GLI3: variants seen among roughly 807,000 people sequenced by gnomAD.
The protein encoded by GLI3 is transcription activator GLI3.
In GLI3, 20 loss-of-function variants were observed where a neutral mutation model predicts 100.8. The ratio of observed to expected loss-of-function variants is 0.20; its 90% CI spans 0.14 to 0.29. The LOEUF is 0.29. GLI3 is among the 10% of genes least tolerant of loss of function. The probability of loss-of-function intolerance (pLI) is 1.00; values close to 1 mark genes in which losing one functional copy is unlikely to be tolerated. For synonymous variants in GLI3, 938 were observed against 860.5 expected, an observed-to-expected ratio of 1.09 and a Z score of -1.58; for missense variants, 2,040 against 2,128.5, an observed-to-expected ratio of 0.96 and a Z score of 0.82.
At chr7:42,035,470 G>T (rs112431925) in intron 7 of GLI3, among the ~76,000 whole-genome samples, 1 of 152,168 alleles carries the variant, frequency 6.6e-6, no homozygotes, top group African/African-American at 2.4e-5. Context: ...GTTTTGTGAC[G>T]CTGGAGATCT....
chr7:42,235,219 T>C lies in GLI3; in HGVS notation c.-43+1752A>G, dbSNP rs539930054. On this transcript the variant is annotated intron_variant, in intron 1 of 14. Coordinates refer to ENST00000395925, the MANE Select transcript of GLI3 (RefSeq NM_000168.6). ...TTTTTAATCTAAAACCTAAATGAAA[T>C]AATTACAGGAATCAATCAATAAGGC... 1.6e-4 allele frequency among the ~76,000 whole-genome samples: 25 copies of C among 152,310 alleles called. 3 individuals carry two copies. The South Asian group carries it at 5.2e-3, about 32-fold the overall frequency.
At position 41,966,019 on chromosome 7, in the gene GLI3, C is replaced by T. The variant is rs1022587271; in HGVS notation, c.3054G>A (p.Leu1018=). The T allele has an allele frequency of 1.8e-5, 29 of 1,596,784 alleles. No homozygotes were observed. Among genetic ancestry groups the T allele is most frequent in the Admixed American group, 1.5e-4 (9 of 59,606 alleles). ...GGCTGCTGAAGCGCGGCACACGAGGCAGGGCCAGGCCCTCGGAGCCTGTCC... is the reference window on the plus strand; with the variant it reads ...GGCTGCTGAAGCGCGGCACACGAGGTAGGGCCAGGCCCTCGGAGCCTGTCC... The part of the protein sequence containing the change: ...PVRTGSEGLA[L]PRVPRFSSLS... The change falls in exon 15 of 15, where the codon CTG becomes CTA. Residue 1018 remains leucine, a synonymous_variant. Coordinates refer to ENST00000395925, the MANE Select transcript of GLI3 (RefSeq NM_000168.6). This position sits in a 1 kb window ranked among gnomAD's most constrained non-coding sequence, Gnocchi z 5.8.
chr7:42,060,437 T>A (rs537320419), intron 4 of GLI3, among the ~76,000 whole-genome samples: 4 of 152,268 alleles, frequency 2.6e-5, no homozygotes, highest in African/African-American at 9.6e-5. Flanking sequence ...GATGATGGAT[T>A]TTTTTTCTTC....
At chr7:42,185,005 G>T (rs927396528) in intron 2 of GLI3, among the ~76,000 whole-genome samples, 1 of 152,058 alleles carries the variant, frequency 6.6e-6, no homozygotes, top group African/African-American at 2.4e-5. Context: ...CTCAGAGTCT[G>T]CCTCCTGGGA....
At chr7:41,995,307 G>A (rs749758784) in intron 10 of GLI3, among the ~76,000 whole-genome samples, 11 of 152,168 alleles carry the variant, frequency 7.2e-5, no homozygotes, top group Non-Finnish European at 1.0e-4. Context: ...GGCTGCTTGC[G>A]TTATGCTCCT....
chr7:42,210,785 T>C (rs1280780829), intron 2 of GLI3, among the ~76,000 whole-genome samples: 2 of 152,202 alleles, frequency 1.3e-5, no homozygotes, highest in African/African-American at 4.8e-5. Flanking sequence ...AGAGATACTT[T>C]GCATGTATCC....
rs780777563 is a variant in GLI3, at chr7:41,977,541, C to T, written c.1812+17G>A. The stretch of plus-strand genomic sequence containing the variant: ...TTGTTTCCTTATGCAAGCTCCATGC[C>T]CACTGAGGATGCTTACCTCATTGGA... On this transcript the variant is annotated intron_variant, in intron 12 of 14. Transcript: ENST00000395925. 1.2e-6 allele frequency: 2 copies of T among 1,612,904 alleles called. No individual in the cohort carries two copies. Among genetic ancestry groups the T allele is most frequent in the South Asian group, 1.1e-5 (1 of 91,056 alleles).
intron 1 of GLI3, among the ~76,000 whole-genome samples, chr7:42,259,110 T>A (rs1789114003): frequency 6.6e-6 from 1 of 152,200 alleles, no homozygotes; most frequent in African/African-American, 2.4e-5. Flanking sequence ...CTAAACTTGT[T>A]CATCATCTAG....
upstream of GLI3, among the ~76,000 whole-genome samples, chr7:42,239,675 T>A (rs966431227): frequency 6.6e-6 from 1 of 152,196 alleles, no homozygotes. Flanking sequence ...ATGAAGATCT[T>A]GATTTTTCAG....
chr7:42,214,666 C>CA (rs370294857), intron 2 of GLI3, among the ~76,000 whole-genome samples: 3,657 of 144,320 alleles, frequency 0.025, 56 homozygotes, highest in African/African-American at 0.054. Flanking sequence ...AAAAAAAAGA[C>CA]AAAAAAAAAA....
intron 2 of GLI3, among the ~76,000 whole-genome samples, chr7:42,196,841 G>A (rs146424930): frequency 6.6e-5 from 10 of 152,310 alleles, no homozygotes; most frequent in African/African-American, 1.9e-4. Context: ...AAAAGGAAAT[G>A]TATCTGAATA....
At chr7:41,984,418 A>G (rs1438712932) in intron 10 of GLI3, among the ~76,000 whole-genome samples, 1 of 152,080 alleles carries the variant, frequency 6.6e-6, no homozygotes, top group African/African-American at 2.4e-5. Flanking sequence ...CTCTCCACCA[A>G]TTCCCACTCA....
intron 2 of GLI3, among the ~76,000 whole-genome samples, chr7:42,191,555 G>A (rs968222236): frequency 6.6e-6 from 1 of 152,038 alleles, no homozygotes; most frequent in Non-Finnish European, 1.5e-5. Context: ...GGGACGCTGA[G>A]GCAGGAGAAT....
intron 3 of GLI3, among the ~76,000 whole-genome samples, chr7:42,122,983 C>G (rs1357677781): frequency 6.6e-6 from 1 of 152,230 alleles, no homozygotes; most frequent in Non-Finnish European, 1.5e-5. Flanking sequence ...CTACTTCAAA[C>G]TTTTTATTAT....
intron 2 of GLI3, among the ~76,000 whole-genome samples, chr7:42,199,552 A>T (rs988234878): frequency 3.9e-5 from 6 of 152,190 alleles, no homozygotes; most frequent in African/African-American, 1.2e-4. Flanking sequence ...TTTATATGCA[A>T]TGGTTGTCAT....
chr7:42,263,456 T>TTA (rs1554345724), intron 1 of GLI3, among the ~76,000 whole-genome samples: 64,026 of 151,494 alleles, frequency 0.42, 13,601 homozygotes, highest in Middle Eastern at 0.53. Flanking sequence ...TATTTATTTT[T>TTA]TTTTTTTGAA....
chr7:42,257,154 T>C (rs1789093094), intron 1 of GLI3, among the ~76,000 whole-genome samples: 1 of 152,168 alleles, frequency 6.6e-6, no homozygotes, highest in Non-Finnish European at 1.5e-5. Context: ...AGTTAATTAG[T>C]TCTAGTGGTT....
intron 10 of GLI3, among the ~76,000 whole-genome samples, chr7:41,993,203 C>G (rs992190949): frequency 6.6e-6 from 1 of 152,096 alleles, no homozygotes; most frequent in Non-Finnish European, 1.5e-5. Context: ...GGAGGCACAC[C>G]TGACCACCCC....
At chr7:42,085,235 T>C (rs1033047282) in intron 3 of GLI3, among the ~76,000 whole-genome samples, 2 of 152,142 alleles carry the variant, frequency 1.3e-5, no homozygotes, top group African/African-American at 4.8e-5. Flanking sequence ...GATCAGAAGT[T>C]TAAACTAAGC....
Sources: gnomAD v4.1 joint callset for allele counts (sites outside exome capture counted in the v4.1 genomes callset) on GRCh38, gnomAD v4.1.1 for gene constraint, Gnocchi (gnomAD v3.1) non-coding constraint, MANE v1.5 for transcripts, NCBI Gene and HGNC (gene_info 2026-07-23, HGNC 2026-07-21) for gene names.